SGCZ: variants seen among roughly 807,000 people sequenced by gnomAD.
The protein encoded by SGCZ is zeta-sarcoglycan.
Under a neutral mutation model 41.3 loss-of-function variants are expected in SGCZ, and 40 were observed. That is an observed-to-expected ratio of 0.97 (90% CI 0.75 to 1.26). The LOEUF (loss-of-function observed/expected upper bound fraction) is 1.26. Ranked by LOEUF, SGCZ falls within the 50% of genes most tolerant of loss-of-function variation. The pLI, the probability that SGCZ is intolerant of heterozygous loss-of-function variation, is 0.00. For synonymous variants in SGCZ, 206 were observed against 137.5 expected (o/e 1.50, Z -3.49); for missense variants, 552 against 369.8 (o/e 1.49, Z -4.04).
chr8:14,494,989 C>T (rs988775590), intron 2 of SGCZ, among the ~76,000 whole-genome samples: 2 of 152,150 alleles, frequency 1.3e-5, no homozygotes, highest in African/African-American at 2.4e-5. Context: ...ATGTGTCTAA[C>T]GTAACCTTAT....
At chr8:14,181,477 A>G (rs1204653485) in intron 4 of SGCZ, among the ~76,000 whole-genome samples, 1 of 152,208 alleles carries the variant, frequency 6.6e-6, no homozygotes, top group African/African-American at 2.4e-5. Flanking sequence ...AAATCAACAG[A>G]GAACCAACAT....
chr8:14,860,437 G>C (rs747919537), intron 1 of SGCZ, among the ~76,000 whole-genome samples: 1 of 150,264 alleles, frequency 6.7e-6, no homozygotes, highest in African/African-American at 2.4e-5. Context: ...GGGAGGGAGA[G>C]GGAAAGAGAA....
At chr8:14,102,326 G>A (rs1802055412) in intron 7 of SGCZ, 50 bp downstream of exon 7, 1 of 1,355,398 alleles carries the variant, frequency 7.4e-7, no homozygotes, top group Non-Finnish European at 9.6e-7. Flanking sequence ...AAATACTTGT[G>A]TTTTCAAAGT....
intron 1 of SGCZ, among the ~76,000 whole-genome samples, chr8:15,234,796 A>G (rs1284061674): frequency 6.6e-6 from 1 of 152,194 alleles, no homozygotes; most frequent in Non-Finnish European, 1.5e-5. Flanking sequence ...CTCAAAGAGA[A>G]AATAGTTTAT....
At chr8:14,958,605 G>A (rs1205313845) in intron 1 of SGCZ, among the ~76,000 whole-genome samples, 2 of 152,084 alleles carry the variant, frequency 1.3e-5, no homozygotes, top group Non-Finnish European at 2.9e-5. Flanking sequence ...GAACATTCTA[G>A]GTGGTCCAGT....
chr8:14,358,009 G>A (rs904311141), intron 2 of SGCZ, among the ~76,000 whole-genome samples: 1 of 152,134 alleles, frequency 6.6e-6, no homozygotes, highest in Non-Finnish European at 1.5e-5. Flanking sequence ...CATATTAGCA[G>A]TCCCTAAATT....
intron 1 of SGCZ, among the ~76,000 whole-genome samples, chr8:14,941,776 T>G (rs1051057845): frequency 6.6e-6 from 1 of 151,736 alleles, no homozygotes; most frequent in African/African-American, 2.4e-5. Flanking sequence ...TATTTTAAAT[T>G]ATCTCTTAAC....
chr8:14,854,087 C>G (rs1011495949), intron 1 of SGCZ, among the ~76,000 whole-genome samples: 1 of 132,546 alleles, frequency 7.5e-6, no homozygotes, highest in East Asian at 2.2e-4. Context: ...ATTTTATATA[C>G]TCTGTCTAAA....
intron 1 of SGCZ, among the ~76,000 whole-genome samples, chr8:15,217,906 G>C (rs750496717): frequency 6.2e-4 from 95 of 152,142 alleles, no homozygotes; most frequent in Non-Finnish European, 1.2e-3. Flanking sequence ...TGGCCAAATG[G>C]TGAAACCCCA....
Position 14,087,016 on chromosome 8 carries a change from C to A in SGCZ, c.*3427G>T, listed in dbSNP as rs1400167499. Among the ~76,000 whole-genome samples, 1 of 151,522 alleles carries A rather than the reference C, an allele frequency of 6.6e-6. No homozygotes were observed. The highest frequency in any genetic ancestry group is 1.5e-5 in the Non-Finnish European group (1 of 67,704). ...TAAGTAGGTAAGTTCACATGACTAG[C>A]CAGGGGCAGAACTAGAACTGGAATT... On this transcript the variant is annotated 3_prime_UTR_variant, in exon 8 of 8. Transcript: ENST00000382080.
chr8:14,854,026 TA>T (rs1803450471), intron 1 of SGCZ, among the ~76,000 whole-genome samples: 1 of 72,556 alleles, frequency 1.4e-5, no homozygotes, highest in Admixed American at 1.7e-4. Context: ...TTATATTATA[TA>T]TATATATATA....
chr8:14,300,805 T>G (rs958646995), intron 3 of SGCZ, among the ~76,000 whole-genome samples: 1 of 152,004 alleles, frequency 6.6e-6, no homozygotes, highest in Non-Finnish European at 1.5e-5. Context: ...CTTTGCCTAT[T>G]TTCTAATCAG....
chr8:14,195,837 G>A (rs960555553), intron 4 of SGCZ, among the ~76,000 whole-genome samples: 1 of 152,046 alleles, frequency 6.6e-6, no homozygotes, highest in Non-Finnish European at 1.5e-5. Flanking sequence ...AAGTGAAAAA[G>A]ACAATTATAG....
At chr8:14,214,384 A>T (rs1392503194) in intron 4 of SGCZ, among the ~76,000 whole-genome samples, 1 of 152,180 alleles carries the variant, frequency 6.6e-6, no homozygotes, top group African/African-American at 2.4e-5. Context: ...CAGAAAAAGA[A>T]CACTAACGTA....
chr8:14,128,206 A>G (rs1357764742), intron 5 of SGCZ, among the ~76,000 whole-genome samples: 1 of 152,226 alleles, frequency 6.6e-6, no homozygotes. Flanking sequence ...AAATGGGCAA[A>G]TGACATAAAC....
intron 3 of SGCZ, among the ~76,000 whole-genome samples, chr8:14,246,196 C>T (rs1352904478): frequency 6.6e-6 from 1 of 152,122 alleles, no homozygotes; most frequent in South Asian, 2.1e-4. Context: ...TGGAACCAAA[C>T]CAAATGTCCA....
chr8:14,681,527 C>T (rs561724078), intron 1 of SGCZ, among the ~76,000 whole-genome samples: 6 of 152,242 alleles, frequency 3.9e-5, no homozygotes, highest in African/African-American at 1.2e-4. Context: ...TGTTACCTTG[C>T]CTGGATCATG....
chr8:14,104,319 G>A (rs771127677), intron 6 of SGCZ, among the ~76,000 whole-genome samples: 1 of 152,144 alleles, frequency 6.6e-6, no homozygotes, highest in Non-Finnish European at 1.5e-5. Context: ...GCAGAGAGAA[G>A]GATAGTCCCT....
chr8:14,553,888 C>T (rs1292074559), intron 2 of SGCZ, among the ~76,000 whole-genome samples: 4 of 152,022 alleles, frequency 2.6e-5, no homozygotes, highest in Non-Finnish European at 5.9e-5. Context: ...GCAGTCTGGT[C>T]AGCAGTGAAA....
Sources: gnomAD v4.1 joint callset for allele counts (sites outside exome capture counted in the v4.1 genomes callset) on GRCh38, gnomAD v4.1.1 for gene constraint, MANE v1.5 for transcripts, NCBI Gene and HGNC (gene_info 2026-07-23, HGNC 2026-07-21) for gene names.